Variants in ASTN2 observed in about 807,000 individuals in gnomAD.
The protein encoded by ASTN2 is astrotactin 2.
A neutral mutation model predicts 139.8 loss-of-function variants in ASTN2; 54 were observed. That is an observed-to-expected ratio of 0.39 (90% CI 0.31 to 0.48). The LOEUF is 0.48. ASTN2 is among the 20% of genes least tolerant of loss of function. ASTN2 has a pLI of 0.95. For synonymous variants in ASTN2, 756 were observed against 719.5 expected, an observed-to-expected ratio of 1.05 and a Z score of -0.81; for missense variants, 1,565 against 1,725.1, an observed-to-expected ratio of 0.91 and a Z score of 1.64.
intron 19 of ASTN2, among the ~76,000 whole-genome samples, chr9:116,531,974 T>C (rs936186013): frequency 4.6e-5 from 7 of 152,232 alleles, no homozygotes; most frequent in Non-Finnish European, 8.8e-5. Context: ...TAGTTTACTG[T>C]CCCACCAACA....
At chr9:116,703,014 A>C (rs1044986682) in intron 16 of ASTN2, among the ~76,000 whole-genome samples, 1 of 152,268 alleles carries the variant, frequency 6.6e-6, no homozygotes, top group Non-Finnish European at 1.5e-5. Context: ...GTGTTGGGTC[A>C]AATGGTATTT....
chr9:117,383,072 C>A (rs1411430362), intron 1 of ASTN2, among the ~76,000 whole-genome samples: 1 of 152,182 alleles, frequency 6.6e-6, no homozygotes, highest in East Asian at 1.9e-4. Flanking sequence ...AATACGTAAA[C>A]AAATAAGCGT....
intron 14 of ASTN2, 145 bp from the exon 15 acceptor site, chr9:116,729,241 C>A: frequency 1.6e-6 from 1 of 633,958 alleles, no homozygotes. Context: ...ATGAACCCCA[C>A]CCTCCAGGCC....
At chr9:116,743,812 T>A (rs1042023826) in intron 13 of ASTN2, among the ~76,000 whole-genome samples, 5 of 152,180 alleles carry the variant, frequency 3.3e-5, no homozygotes, top group African/African-American at 4.8e-5. Flanking sequence ...AGAAACATGT[T>A]TTTGCTATCA....
At chr9:116,622,477 T>C (rs1334205234) in intron 17 of ASTN2, among the ~76,000 whole-genome samples, 1 of 152,220 alleles carries the variant, frequency 6.6e-6, no homozygotes, top group Non-Finnish European at 1.5e-5. Flanking sequence ...CATTAAAATG[T>C]AATCATCACA....
intron 16 of ASTN2, among the ~76,000 whole-genome samples, chr9:116,683,934 G>C (rs548905044): frequency 2.6e-5 from 4 of 152,158 alleles, no homozygotes; most frequent in Non-Finnish European, 5.9e-5. Flanking sequence ...TTAATGTATA[G>C]AGCCAATTAA....
chr9:117,032,599 T>A (rs1187070427), intron 6 of ASTN2, among the ~76,000 whole-genome samples: 1 of 152,194 alleles, frequency 6.6e-6, no homozygotes, highest in South Asian at 2.1e-4. Context: ...CTTCCATGTA[T>A]TCAAATCACT....
chr9:117,380,845 T>C (rs1830251973), intron 1 of ASTN2, among the ~76,000 whole-genome samples: 1 of 152,148 alleles, frequency 6.6e-6, no homozygotes, highest in Admixed American at 6.5e-5. Flanking sequence ...AAAAACCACT[T>C]GGCAGTTCCT....
At chr9:117,064,834 A>T (rs371707854) in intron 5 of ASTN2, among the ~76,000 whole-genome samples, 86 of 152,062 alleles carry the variant, frequency 5.7e-4, no homozygotes, top group Non-Finnish European at 9.7e-4. Context: ...AGCTACTCTC[A>T]AGCACGCCTA....
intron 12 of ASTN2, among the ~76,000 whole-genome samples, chr9:116,817,803 G>A (rs1242883708): frequency 6.6e-6 from 1 of 152,194 alleles, no homozygotes; most frequent in African/African-American, 2.4e-5. Context: ...GACAGCTCCT[G>A]TGCATGTATA....
At chr9:116,609,328 C>CTATATATATATATA (rs1554720155) in intron 19 of ASTN2, among the ~76,000 whole-genome samples, 1 of 122,530 alleles carries the variant, frequency 8.2e-6, no homozygotes, top group African/African-American at 3.2e-5. Flanking sequence ...CTCTCTCTCT[C>CTATATATATATATA]TATATATATA....
At chr9:116,978,639 A>C (rs770479475) in intron 7 of ASTN2, among the ~76,000 whole-genome samples, 68 of 152,266 alleles carry the variant, frequency 4.5e-4, no homozygotes, top group Non-Finnish European at 8.8e-4. Flanking sequence ...GGACTATGCA[A>C]ATTTTATATT....
intron 10 of ASTN2, among the ~76,000 whole-genome samples, chr9:116,969,466 A>C (rs556760681): frequency 6.6e-6 from 1 of 152,272 alleles, no homozygotes; most frequent in East Asian, 1.9e-4. Flanking sequence ...ACCATTGGGA[A>C]AGGGGGCATC....
At chr9:116,620,214 T>G in intron 18 of ASTN2, 96 bp downstream of exon 18, 5 of 1,571,888 alleles carry the variant, frequency 3.2e-6, no homozygotes, top group Non-Finnish European at 4.4e-6. Flanking sequence ...GTTAGGCACC[T>G]TGGGAGCAGA....
chr9:116,462,622 T>C (rs965895479), intron 20 of ASTN2, among the ~76,000 whole-genome samples: 1 of 152,174 alleles, frequency 6.6e-6, no homozygotes, highest in African/African-American at 2.4e-5. Context: ...GTTGACTCCC[T>C]GACTCTTCAA....
chr9:116,530,094 GATATATATATATATATATATATAT>G (rs3984942), intron 19 of ASTN2, among the ~76,000 whole-genome samples: 2,409 of 50,968 alleles, frequency 0.047, 119 homozygotes, highest in Middle Eastern at 0.1. Flanking sequence ...GATAAAGTGT[GATATATATATATATATATATATAT>G]ATATATATAT....
intron 10 of ASTN2, among the ~76,000 whole-genome samples, chr9:116,913,212 G>A (rs1319693225): frequency 6.6e-6 from 1 of 152,138 alleles, no homozygotes; most frequent in Non-Finnish European, 1.5e-5. Context: ...CCTTATCCAG[G>A]TAACTTAACA....
chr9:116,778,466 T>TA (rs779508372), intron 13 of ASTN2, among the ~76,000 whole-genome samples: 9 of 151,946 alleles, frequency 5.9e-5, no homozygotes, highest in South Asian at 2.1e-4. Flanking sequence ...GATCAATTAC[T>TA]AAAAAAAATT....
In ASTN2 at chr9:116,869,942, A is replaced by AT. The variant is rs11291817; in HGVS notation, c.1890-6210dup. ...AACAGAGTGGGATCCCATTTCTATA[A>AT]TTTTTTTTTTTTTTTTTAATTAGCC... On this transcript the variant is annotated intron_variant, in intron 10 of 22. Transcript: ENST00000313400. 3.6e-3 allele frequency among the ~76,000 whole-genome samples: 514 copies of AT among 142,478 alleles called. 5 individuals are homozygous for AT. The highest frequency in any genetic ancestry group is 7.4e-3 in the African/African-American group (286 of 38,504). The allele number at this position is 142,478 out of a possible 152,430, so 93.5% of individuals were successfully genotyped here. A position where few individuals can be genotyped will look rare whatever the true frequency, so the allele number is the denominator to read the frequency against.
Sources: gnomAD v4.1 joint callset for allele counts (sites outside exome capture counted in the v4.1 genomes callset) on GRCh38, gnomAD v4.1.1 for gene constraint, MANE v1.5 for transcripts, NCBI Gene and HGNC (gene_info 2026-07-23, HGNC 2026-07-21) for gene names.